SPATA1: variants seen among roughly 807,000 people sequenced by gnomAD.
SPATA1 encodes spermatogenesis-associated protein 1.
SPATA1 carries 57 observed loss-of-function variants against 59.6 expected under a neutral mutation model. That is an observed-to-expected ratio of 0.96 (90% CI 0.77 to 1.19). The LOEUF (loss-of-function observed/expected upper bound fraction) is 1.19, where lower values mean the gene tolerates loss of function less well. Among genes scored for constraint, SPATA1 ranks in the 50% most tolerant of loss-of-function variants. The pLI, the probability that SPATA1 is intolerant of heterozygous loss-of-function variation, is 0.00. For missense variants in SPATA1, 448 were observed against 480.7 expected, an observed-to-expected ratio of 0.93 and a Z score of 0.64; for synonymous variants, 147 against 163.9, an observed-to-expected ratio of 0.90 and a Z score of 0.79.
At position 84,551,080 on chromosome 1, in the gene SPATA1, A is replaced by G. The variant is rs141640511; in HGVS notation, c.1224+550A>G. ...TAGTAGAGGCTTCTGGGCATGCTCT[A>G]TTTGGTGAGAATTGTGTACAACTAA... is the stretch of plus-strand genomic sequence containing the variant. On this transcript the variant is annotated intron_variant, in intron 12 of 12. Coordinates refer to ENST00000490879, the Ensembl canonical transcript of SPATA1. The G allele has an allele frequency of 4.0e-5, 39 of 985,286 alleles. 1 individual carries two copies. The East Asian group carries it at 4.2e-3, about 106-fold the overall frequency. 61.0% of individuals were successfully genotyped at this position (985,286 alleles called of 1,614,324 possible). A position where few individuals can be genotyped will look rare whatever the true frequency, so the allele number is the denominator to read the frequency against.
intron 4 of SPATA1, among the ~76,000 whole-genome samples, chr1:84,559,687 T>C (rs1405752978): frequency 1.3e-5 from 2 of 152,060 alleles, no homozygotes; most frequent in Non-Finnish European, 2.9e-5. Context: ...AATTTTGCAA[T>C]GAATAAAAAA....
downstream of SPATA1, among the ~76,000 whole-genome samples, chr1:84,559,240 A>G (rs1451929614): frequency 6.6e-6 from 1 of 152,152 alleles, no homozygotes; most frequent in African/African-American, 2.4e-5. Context: ...TTATTATTAT[A>G]TCTGTTATGA....
chr1:84,540,261 TTA>T (rs1400012482), intron 8 of SPATA1, among the ~76,000 whole-genome samples: 1 of 152,198 alleles, frequency 6.6e-6, no homozygotes, highest in Non-Finnish European at 1.5e-5. Context: ...TCATTTTATT[TTA>T]TATTTACTGT....
At chr1:84,534,461 T>C (rs1416359026) in intron 8 of SPATA1, among the ~76,000 whole-genome samples, 1 of 152,076 alleles carries the variant, frequency 6.6e-6, no homozygotes, top group Non-Finnish European at 1.5e-5. Flanking sequence ...TGGTTATCAT[T>C]CCCCTTTTAC....
At chr1:84,555,108 C>T (rs529294378), downstream of SPATA1, 8 of 1,613,856 alleles carry the variant, frequency 5.0e-6, no homozygotes, top group Non-Finnish European at 5.1e-6. Context: ...CATGCCAATG[C>T]CCCGTAAGCG....
intron 12 of SPATA1, chr1:84,550,999 G>A (rs1684254080): frequency 1.0e-6 from 1 of 984,802 alleles, no homozygotes; most frequent in Non-Finnish European, 1.2e-6. Context: ...TCCTGGCAGA[G>A]ACTATGCCTT....
intron 6 of SPATA1, among the ~76,000 whole-genome samples, chr1:84,531,085 G>A (rs1683445095): frequency 6.6e-6 from 1 of 152,076 alleles, no homozygotes; most frequent in African/African-American, 2.4e-5. Context: ...TTTACTATTA[G>A]CTTTTACACA....
In SPATA1 at chr1:84,551,099, C is replaced by T. The variant is rs186600470; in HGVS notation, c.1224+569C>T. ...TGCTCTATTTGGTGAGAATTGTGTA[C>T]AACTAATTACATCATAGAAATTATC... is the stretch of plus-strand genomic sequence containing the variant. On this transcript the variant is annotated intron_variant, in intron 12 of 12. Coordinates refer to ENST00000490879, the Ensembl canonical transcript of SPATA1. 2,830 of 985,150 alleles carry T rather than the reference C, an allele frequency of 2.9e-3. 5 individuals carry two copies. Among genetic ancestry groups the T allele is most frequent in the Middle Eastern group, 3.1e-3 (6 of 1,914 alleles). The allele number at this position is 985,150 out of a possible 1,614,324, so 61.0% of individuals were successfully genotyped here.
rs1684319957 is a variant in SPATA1, at chr1:84,552,884, A to G, written c.1225-151A>G. The G allele has an allele frequency of 1.0e-5, 6 of 581,140 alleles. No homozygotes were observed. The South Asian group carries it at 1.3e-4, about 12-fold the overall frequency. The allele number at this position is 581,140 out of a possible 1,614,324, so 36.0% of individuals were successfully genotyped here. On this transcript the variant is annotated intron_variant, in intron 12 of 12. Transcript: ENST00000490879. ...AACAGCATTCATAATCTACACATTTACTGTAGTAATCCAGTGGGAGTTGAA... is the reference window on the plus strand; with the variant it reads ...AACAGCATTCATAATCTACACATTTGCTGTAGTAATCCAGTGGGAGTTGAA...
intron 11 of SPATA1, 83 bp downstream of exon 11, chr1:84,549,047 G>A: frequency 7.8e-7 from 1 of 1,288,414 alleles, no homozygotes; most frequent in Non-Finnish European, 1.0e-6. Flanking sequence ...ATCACAAGAT[G>A]CATTAGGCTA....
downstream of SPATA1, among the ~76,000 whole-genome samples, chr1:84,557,561 A>AAG (rs1684478501): frequency 6.7e-6 from 1 of 149,680 alleles, no homozygotes; most frequent in African/African-American, 2.5e-5. Context: ...AAAGAAAAAA[A>AAG]AAAAAAGAAG....
chr1:84,514,783 C>A (rs574079205), intron 1 of SPATA1, among the ~76,000 whole-genome samples: 1 of 152,138 alleles, frequency 6.6e-6, no homozygotes, highest in Non-Finnish European at 1.5e-5. Context: ...CCAGCCTGGC[C>A]AACATGGTGA....
intron 2 of SPATA1, among the ~76,000 whole-genome samples, chr1:84,518,440 G>A (rs901585375): frequency 6.6e-6 from 1 of 151,836 alleles, no homozygotes; most frequent in African/African-American, 2.4e-5. Flanking sequence ...ATGATGTCCT[G>A]TTTACTTTGA....
rs1255632727 is a variant in SPATA1, at chr1:84,541,849, C to G, written c.718-2353C>G. ...AATAACAGGTGTTCTTACAGAGGAACAGGGAGTGTTGTTTTGGTGGCTTAC... is the reference window on the plus strand; with the variant it reads ...AATAACAGGTGTTCTTACAGAGGAAGAGGGAGTGTTGTTTTGGTGGCTTAC... On this transcript the variant is annotated intron_variant, in intron 8 of 12. Transcript: ENST00000490879. 3.3e-5 allele frequency among the ~76,000 whole-genome samples: 5 copies of G among 152,270 alleles called. No individual in the cohort carries two copies. In the South Asian group the frequency reaches 1.0e-3, roughly 32 times the overall value.
At chr1:84,526,795 G>A (rs1260863499) in intron 6 of SPATA1, among the ~76,000 whole-genome samples, 1 of 150,332 alleles carries the variant, frequency 6.7e-6, no homozygotes, top group Non-Finnish European at 1.5e-5. Context: ...TTGAGCCAGG[G>A]ACGGGGAGGT....
chr1:84,531,174 GTT>G (rs1341061740), intron 6 of SPATA1, among the ~76,000 whole-genome samples: 8 of 151,776 alleles, frequency 5.3e-5, no homozygotes. Context: ...GTTTTGCCTT[GTT>G]TTGTTTGAGA....
chr1:84,551,811 T>G (rs1684281153), intron 12 of SPATA1: 1 of 152,192 alleles, frequency 6.6e-6, no homozygotes, highest in African/African-American at 2.4e-5. Context: ...AAAGCCAATA[T>G]GTAAACTTGT....
chr1:84,558,566 C>A (rs1033319304), downstream of SPATA1, among the ~76,000 whole-genome samples: 4 of 150,060 alleles, frequency 2.7e-5, no homozygotes, highest in African/African-American at 9.8e-5. Context: ...GCTGGGATTA[C>A]AGGCGTGAGC....
Position 84,542,501 on chromosome 1 carries a change from T to C in SPATA1, c.718-1701T>C, listed in dbSNP as rs373927358. On this transcript the variant is annotated intron_variant, in intron 8 of 12. Transcript: ENST00000490879. ...TGAATTCCTCATAGAATCTACCAGG[T>C]TTTTTTTCTTTGCTCTATTTTTCCA... Among the ~76,000 whole-genome samples, 654 of 152,158 alleles carry C rather than the reference T, an allele frequency of 4.3e-3. 1 individual carries two copies. The highest frequency in any genetic ancestry group is 7.2e-3 in the Admixed American group (110 of 15,282).
Sources: allele counts gnomAD v4.1 joint callset (sites outside exome capture counted in the v4.1 genomes callset), GRCh38; gene constraint gnomAD v4.1.1; transcripts MANE v1.5; gene names NCBI Gene and HGNC (gene_info 2026-07-23, HGNC 2026-07-21).